Variants in RBMS3 observed in about 807,000 individuals in gnomAD.
The protein encoded by RBMS3 is RNA binding motif single stranded interacting protein 3.
A neutral mutation model predicts 66.8 loss-of-function variants in RBMS3; 27 were observed. The ratio of observed to expected loss-of-function variants is 0.40; its 90% CI spans 0.30 to 0.56. RBMS3 has a LOEUF of 0.56. RBMS3 is among the 20% of genes least tolerant of loss of function. The pLI is 0.40. For synonymous variants in RBMS3, 188 were observed against 183.0 expected (o/e 1.03, Z -0.22); for missense variants, 513 against 549.5 (o/e 0.93, Z 0.66).
intron 11 of RBMS3, among the ~76,000 whole-genome samples, chr3:29,938,250 C>T (rs1349554931): frequency 6.6e-6 from 1 of 151,882 alleles, no homozygotes; most frequent in Non-Finnish European, 1.5e-5. Context: ...AACAAGAACA[C>T]ATTTGTAAGG....
intron 1 of RBMS3, among the ~76,000 whole-genome samples, chr3:29,360,281 T>C (rs1271261846): frequency 2.6e-5 from 4 of 152,076 alleles, no homozygotes; most frequent in African/African-American, 9.7e-5. Flanking sequence ...AATATCTTTA[T>C]TTCTGCCTTC....
intron 1 of RBMS3, among the ~76,000 whole-genome samples, chr3:29,428,851 A>G (rs2041068342): frequency 6.6e-6 from 1 of 152,180 alleles, no homozygotes; most frequent in African/African-American, 2.4e-5. Flanking sequence ...TCTGATGGTC[A>G]CTTCCCCTTT....
At chr3:29,316,415 T>C (rs555369481) in intron 1 of RBMS3, among the ~76,000 whole-genome samples, 3 of 151,814 alleles carry the variant, frequency 2.0e-5, no homozygotes, top group South Asian at 4.1e-4. Flanking sequence ...GATAACACTC[T>C]TCTATGAAAA....
In RBMS3 at chr3:29,963,557, G is replaced by T. The variant is rs114474209; in HGVS notation, c.1098+19303G>T. ...AACATTTTCACATTGGCTAAGCTCG[G>T]TGTCTCATGCCTGTAATCCCAGCAC... On this transcript the variant is annotated intron_variant, in intron 12 of 14. Coordinates refer to ENST00000383767, the MANE Select transcript of RBMS3 (RefSeq NM_001003793.3). 1.9e-3 allele frequency among the ~76,000 whole-genome samples: 296 copies of T among 152,254 alleles called. 1 individual carries two copies. The highest frequency in any genetic ancestry group is 6.7e-3 in the African/African-American group (279 of 41,556).
At chr3:29,304,418 TACTCGCC>T (rs1206448041) in intron 1 of RBMS3, among the ~76,000 whole-genome samples, 1 of 151,996 alleles carries the variant, frequency 6.6e-6, no homozygotes, top group East Asian at 1.9e-4. Flanking sequence ...ACTATATCTG[TACTCGCC>T]ACTTTTTAAT....
At chr3:29,703,829 C>T (rs547411618) in intron 4 of RBMS3, among the ~76,000 whole-genome samples, 8 of 152,092 alleles carry the variant, frequency 5.3e-5, no homozygotes, top group South Asian at 2.1e-4. Context: ...CTGGGCCGCA[C>T]GGCTGGAGAT....
At chr3:29,740,090 G>A (rs9836819) in intron 5 of RBMS3, among the ~76,000 whole-genome samples, 5 of 151,724 alleles carry the variant, frequency 3.3e-5, no homozygotes, top group Admixed American at 6.6e-5. Flanking sequence ...TCAAATGTAC[G>A]TAGAATGTGT....
chr3:29,745,447 C>T (rs961882719), intron 5 of RBMS3, among the ~76,000 whole-genome samples: 18 of 152,228 alleles, frequency 1.2e-4, no homozygotes, highest in Admixed American at 7.2e-4. Flanking sequence ...CGTAAATCAT[C>T]CAGAGTCTGG....
At chr3:29,924,174 T>C (rs911142258) in intron 10 of RBMS3, among the ~76,000 whole-genome samples, 3 of 152,144 alleles carry the variant, frequency 2.0e-5, no homozygotes, top group African/African-American at 7.2e-5. Context: ...GGTAAGGAAA[T>C]GGTTGCCATT....
chr3:29,559,693 T>C (rs937867186), intron 3 of RBMS3, among the ~76,000 whole-genome samples: 1 of 152,142 alleles, frequency 6.6e-6, no homozygotes, highest in Non-Finnish European at 1.5e-5. Flanking sequence ...TGCAAGTAAG[T>C]GGTCCACACA....
At chr3:29,584,225 A>G (rs1348641032) in intron 3 of RBMS3, among the ~76,000 whole-genome samples, 4 of 152,082 alleles carry the variant, frequency 2.6e-5, no homozygotes, top group African/African-American at 9.7e-5. Context: ...CCTCCTCAGA[A>G]TACTTTCTTA....
At chr3:29,508,198 C>T (rs1194381773) in intron 3 of RBMS3, among the ~76,000 whole-genome samples, 1 of 151,976 alleles carries the variant, frequency 6.6e-6, no homozygotes, top group African/African-American at 2.4e-5. Flanking sequence ...TTCCCCATAT[C>T]TCCTTCTTTT....
chr3:29,651,922 G>T (rs1387166017), intron 4 of RBMS3, among the ~76,000 whole-genome samples: 1 of 151,954 alleles, frequency 6.6e-6, no homozygotes, highest in Non-Finnish European at 1.5e-5. Context: ...ATATTTTTCA[G>T]CCTTTGCAGA....
chr3:29,350,875 G>T (rs1478068579), intron 1 of RBMS3, among the ~76,000 whole-genome samples: 1 of 151,292 alleles, frequency 6.6e-6, no homozygotes, highest in Non-Finnish European at 1.5e-5. Flanking sequence ...ACTATAATGT[G>T]CATGGTAAAA....
intron 2 of RBMS3, among the ~76,000 whole-genome samples, chr3:29,442,660 A>G (rs2041671888): frequency 1.3e-5 from 2 of 152,066 alleles, no homozygotes; most frequent in Admixed American, 1.3e-4. Context: ...GAGGGACTTG[A>G]GTTTTAAGGG....
intron 3 of RBMS3, among the ~76,000 whole-genome samples, chr3:29,575,880 T>C (rs1204273946): frequency 6.6e-6 from 1 of 152,172 alleles, no homozygotes; most frequent in Non-Finnish European, 1.5e-5. Context: ...GTTAATTTTT[T>C]CTGATAGAAT....
chr3:29,637,595 A>C (rs946651531), intron 4 of RBMS3, among the ~76,000 whole-genome samples: 1 of 151,870 alleles, frequency 6.6e-6, no homozygotes, highest in African/African-American at 2.4e-5. Flanking sequence ...ACTTTTAATA[A>C]GCATCTTAAG....
chr3:29,376,054 A>C (rs1004785376), intron 1 of RBMS3, among the ~76,000 whole-genome samples: 3 of 152,050 alleles, frequency 2.0e-5, no homozygotes, highest in African/African-American at 7.2e-5. Context: ...CATGAATGGA[A>C]CTGGAGGCCA....
intron 6 of RBMS3, among the ~76,000 whole-genome samples, chr3:29,786,916 G>A (rs1576802357): frequency 6.6e-6 from 1 of 152,048 alleles, no homozygotes; most frequent in East Asian, 1.9e-4. Context: ...CCCACAGAGT[G>A]GGAGAAAATC....
Sources: allele counts gnomAD v4.1 joint callset (sites outside exome capture counted in the v4.1 genomes callset), GRCh38; gene constraint gnomAD v4.1.1; transcripts MANE v1.5; gene names NCBI Gene and HGNC (gene_info 2026-07-23, HGNC 2026-07-21).